Variants in LRFN5 observed in about 807,000 individuals in gnomAD.
LRFN5 encodes the protein leucine rich repeat and fibronectin type III domain containing 5, also known as leucine-rich repeat and fibronectin type-III domain-containing protein 5.
LRFN5 carries 24 observed loss-of-function variants against 45.6 expected under a neutral mutation model. That is an observed-to-expected ratio of 0.53 (90% CI 0.38 to 0.74). LRFN5 has a LOEUF of 0.74. Ranked by LOEUF, LRFN5 falls within the 30% of genes least tolerant of loss-of-function variation. The pLI is 0.00. For missense variants in LRFN5, 776 were observed against 861.5 expected (o/e 0.90, Z 1.24); for synonymous variants, 340 against 313.8 (o/e 1.08, Z -0.88).
chr14:41,607,261 A>C lies in LRFN5; in HGVS notation c.-1498A>C, dbSNP rs1887523189. 6.6e-6 allele frequency among the ~76,000 whole-genome samples: 1 copy of C among 152,064 alleles called. No individual in the cohort carries two copies. ...ACTTTGGGGAGCTCTGGCTGTGAAC[A>C]CAGCCCACCCATATAATCCATTTTG... On this transcript the variant is annotated 5_prime_UTR_variant, in exon 1 of 6. Coordinates refer to ENST00000298119, the MANE Select transcript of LRFN5 (RefSeq NM_152447.5).
chr14:41,770,096 G>A (rs1329512077), intron 2 of LRFN5, among the ~76,000 whole-genome samples: 1 of 152,100 alleles, frequency 6.6e-6, no homozygotes, highest in African/African-American at 2.4e-5. Flanking sequence ...AAGTGGGGAG[G>A]TGCTTCACTC....
chr14:41,784,351 A>C (rs1048246673), intron 2 of LRFN5, among the ~76,000 whole-genome samples: 1 of 151,626 alleles, frequency 6.6e-6, no homozygotes, highest in African/African-American at 2.4e-5. Flanking sequence ...TGTATTTCCA[A>C]ATTTTCTTAG....
At chr14:41,611,716 A>T (rs1887763984) in intron 1 of LRFN5, among the ~76,000 whole-genome samples, 1 of 152,078 alleles carries the variant, frequency 6.6e-6, no homozygotes, top group Non-Finnish European at 1.5e-5. Context: ...TCCCTCATAG[A>T]TCTAATGTGT....
chr14:41,635,799 T>A (rs1879279281), intron 1 of LRFN5, among the ~76,000 whole-genome samples: 1 of 152,184 alleles, frequency 6.6e-6, no homozygotes, highest in South Asian at 2.1e-4. Flanking sequence ...AGGATATTTA[T>A]GTATGTTTTT....
chr14:41,862,943 C>A (rs1482644665), intron 2 of LRFN5, among the ~76,000 whole-genome samples: 2 of 147,384 alleles, frequency 1.4e-5, no homozygotes, highest in African/African-American at 5.0e-5. Flanking sequence ...CAGCTCACTG[C>A]AAGCTCCGCC....
intron 1 of LRFN5, among the ~76,000 whole-genome samples, chr14:41,650,432 C>A (rs1048505869): frequency 6.6e-6 from 1 of 152,046 alleles, no homozygotes; most frequent in Non-Finnish European, 1.5e-5. Context: ...TGAGGTCAAT[C>A]AGAGTGAAAA....
intron 1 of LRFN5, among the ~76,000 whole-genome samples, chr14:41,655,375 C>G (rs968201140): frequency 8.6e-5 from 13 of 151,778 alleles, no homozygotes; most frequent in African/African-American, 2.9e-4. Context: ...CGTAAGTATT[C>G]TAGAAGAGAA....
At chr14:41,809,207 T>C (rs1263324882) in intron 2 of LRFN5, among the ~76,000 whole-genome samples, 1 of 152,058 alleles carries the variant, frequency 6.6e-6, no homozygotes, top group African/African-American at 2.4e-5. Flanking sequence ...AGTAGGAAAG[T>C]GATTAAACAA....
At chr14:41,633,555 G>A (rs1888621986) in intron 1 of LRFN5, among the ~76,000 whole-genome samples, 1 of 152,094 alleles carries the variant, frequency 6.6e-6, no homozygotes, top group Admixed American at 6.6e-5. Context: ...AACATCAGTT[G>A]CAAACAGACT....
At chr14:41,622,737 T>A (rs1346157218) in intron 1 of LRFN5, among the ~76,000 whole-genome samples, 1 of 152,104 alleles carries the variant, frequency 6.6e-6, no homozygotes, top group East Asian at 1.9e-4. Flanking sequence ...AACTTCTTTT[T>A]CTTTTTGTTA....
At chr14:41,675,090 C>T (rs972564064) in intron 1 of LRFN5, among the ~76,000 whole-genome samples, 2 of 151,512 alleles carry the variant, frequency 1.3e-5, no homozygotes, top group African/African-American at 4.9e-5. Flanking sequence ...GGGATGGCGG[C>T]GGGGCAGAGA....
chr14:41,749,172 A>G (rs1428153900), intron 1 of LRFN5, among the ~76,000 whole-genome samples: 5 of 151,836 alleles, frequency 3.3e-5, no homozygotes, highest in Middle Eastern at 6.8e-3. Flanking sequence ...ACCTCTTAAT[A>G]CTGTTGCAAT....
chr14:41,696,177 C>T (rs577868590), intron 1 of LRFN5, among the ~76,000 whole-genome samples: 1 of 151,956 alleles, frequency 6.6e-6, no homozygotes, highest in African/African-American at 2.4e-5. Context: ...GAAGATGTGA[C>T]TAAATTGCTG....
intron 2 of LRFN5, among the ~76,000 whole-genome samples, chr14:41,860,884 G>A (rs776949827): frequency 5.3e-5 from 8 of 152,134 alleles, no homozygotes; most frequent in Non-Finnish European, 1.0e-4. Context: ...TGAAACCTCT[G>A]CAAATTTAAA....
At chr14:41,861,460 A>T (rs75201626) in intron 2 of LRFN5, among the ~76,000 whole-genome samples, 2,638 of 152,302 alleles carry the variant, frequency 0.017, 31 homozygotes, top group Non-Finnish European at 0.028. Flanking sequence ...ATGTATTTTG[A>T]TGTTAAAATT....
intron 2 of LRFN5, among the ~76,000 whole-genome samples, chr14:41,802,494 A>G (rs138522806): frequency 3.0e-4 from 45 of 152,276 alleles, no homozygotes; most frequent in African/African-American, 1.1e-3. Context: ...GAAACTAGGC[A>G]ATGCAAAGAG....
intron 1 of LRFN5, among the ~76,000 whole-genome samples, chr14:41,646,700 A>G (rs1440105538): frequency 6.6e-6 from 1 of 152,164 alleles, no homozygotes; most frequent in African/African-American, 2.4e-5. Flanking sequence ...TTTTAGTTCA[A>G]TTTTGTACAT....
chr14:41,844,082 T>C (rs1594458533), intron 2 of LRFN5, among the ~76,000 whole-genome samples: 2 of 152,120 alleles, frequency 1.3e-5, no homozygotes, highest in African/African-American at 4.8e-5. Context: ...TTATGCTAAT[T>C]ATTAGAGAAA....
intron 1 of LRFN5, among the ~76,000 whole-genome samples, chr14:41,674,207 C>G (rs1594603970): frequency 7.4e-6 from 1 of 135,494 alleles, no homozygotes; most frequent in East Asian, 2.4e-4. Context: ...GGGGGCTGAC[C>G]CCCCCACCTC....
Sources: gnomAD v4.1 joint callset for allele counts (sites outside exome capture counted in the v4.1 genomes callset) on GRCh38, gnomAD v4.1.1 for gene constraint, MANE v1.5 for transcripts, NCBI Gene and HGNC (gene_info 2026-07-23, HGNC 2026-07-21) for gene names.